The following BNC2 variants were observed in gnomAD, a reference collection of about 807,000 sequenced individuals.
The protein encoded by BNC2 is zinc finger protein basonuclin-2.
In BNC2, 20 loss-of-function variants were observed where a neutral mutation model predicts 76.3. The observed-to-expected ratio is 0.26, with a 90% CI of 0.18 to 0.38. The LOEUF is 0.38. BNC2 is among the 10% of genes least tolerant of loss of function. The pLI, the probability that BNC2 is intolerant of heterozygous loss-of-function variation, is 1.00. For missense variants in BNC2, 1,382 were observed against 1,399.8 expected (o/e 0.99, Z 0.20); for synonymous variants, 582 against 514.8 (o/e 1.13, Z -1.77).
At chr9:16,776,486 T>C (rs7856297) in intron 1 of BNC2, among the ~76,000 whole-genome samples, 7,247 of 152,244 alleles carry the variant, frequency 0.048, 575 homozygotes, top group African/African-American at 0.17. Context: ...AAATGGCTAG[T>C]ACTCCTTAAG....
At chr9:16,793,181 T>C (rs2135681635) in intron 1 of BNC2, among the ~76,000 whole-genome samples, 1 of 152,350 alleles carries the variant, frequency 6.6e-6, no homozygotes, top group Middle Eastern at 3.4e-3. Flanking sequence ...GAAAACTGAA[T>C]AACTGCTCCA....
At chr9:16,615,286 A>G (rs1489970205) in intron 3 of BNC2, among the ~76,000 whole-genome samples, 1 of 152,140 alleles carries the variant, frequency 6.6e-6, no homozygotes, top group Admixed American at 6.6e-5. Context: ...ATTAGGCTAA[A>G]TATTTTTACA....
intron 3 of BNC2, among the ~76,000 whole-genome samples, chr9:16,609,138 C>T (rs547654547): frequency 6.6e-6 from 1 of 152,152 alleles, no homozygotes; most frequent in Non-Finnish European, 1.5e-5. Flanking sequence ...AAAAGTGCAC[C>T]CCAGGGGACC....
intron 3 of BNC2, among the ~76,000 whole-genome samples, chr9:16,620,044 A>G (rs1820821561): frequency 6.6e-6 from 1 of 152,198 alleles, no homozygotes; most frequent in Non-Finnish European, 1.5e-5. Flanking sequence ...GGCTCCAAAC[A>G]AAAACCCCCA....
intron 3 of BNC2, among the ~76,000 whole-genome samples, chr9:16,627,826 G>A (rs1411192404): frequency 6.6e-6 from 1 of 152,018 alleles, no homozygotes; most frequent in Non-Finnish European, 1.5e-5. Context: ...ATTATAATTT[G>A]GGGTTTAAAC....
intron 3 of BNC2, among the ~76,000 whole-genome samples, chr9:16,627,011 A>G (rs1267583600): frequency 6.6e-6 from 1 of 152,168 alleles, no homozygotes; most frequent in Non-Finnish European, 1.5e-5. Flanking sequence ...CAGGGCATGG[A>G]ACAGATGCAC....
rs80275996 is a variant in BNC2, at chr9:16,612,430, T to G, written c.331-29345A>C. 8.0e-3 allele frequency among the ~76,000 whole-genome samples: 1,220 copies of G among 152,268 alleles called. 20 individuals are homozygous for G. The highest frequency in any genetic ancestry group is 0.038 in the South Asian group (182 of 4,824). On this transcript the variant is annotated intron_variant, in intron 3 of 6. Coordinates refer to ENST00000380672, the MANE Select transcript of BNC2 (RefSeq NM_017637.6). ...GAACTAGGCATTCATATTTCCATTT[T>G]CCATCCTTTTATTAGAGTAGAATTT...
At chr9:16,822,718 T>TA (rs1391422510) in intron 1 of BNC2, among the ~76,000 whole-genome samples, 1 of 152,140 alleles carries the variant, frequency 6.6e-6, no homozygotes, top group African/African-American at 2.4e-5. Flanking sequence ...GTGTGACAAG[T>TA]AAGTAAAGAT....
At chr9:16,868,955 T>C (rs1376425094) in intron 1 of BNC2, among the ~76,000 whole-genome samples, 2 of 152,160 alleles carry the variant, frequency 1.3e-5, no homozygotes, top group Non-Finnish European at 2.9e-5. Flanking sequence ...ACACGTGAAA[T>C]TGCAGAATAC....
At chr9:16,519,116 C>T (rs962586974) in intron 5 of BNC2, among the ~76,000 whole-genome samples, 1 of 152,198 alleles carries the variant, frequency 6.6e-6, no homozygotes, top group African/African-American at 2.4e-5. Context: ...GCCTCCTTTA[C>T]TGGCCCTACC....
chr9:16,497,317 G>T (rs1587097470), intron 5 of BNC2, among the ~76,000 whole-genome samples: 1 of 152,184 alleles, frequency 6.6e-6, no homozygotes, highest in South Asian at 2.1e-4. Flanking sequence ...GTAGATGTAG[G>T]TAGTTATTAT....
At chr9:16,573,382 T>C (rs962902184) in intron 4 of BNC2, among the ~76,000 whole-genome samples, 1 of 152,184 alleles carries the variant, frequency 6.6e-6, no homozygotes, top group Non-Finnish European at 1.5e-5. Context: ...CAACTCTTAA[T>C]GACTATTTTA....
chr9:16,813,795 T>C (rs1354373705), intron 1 of BNC2, among the ~76,000 whole-genome samples: 3 of 152,218 alleles, frequency 2.0e-5, no homozygotes, highest in African/African-American at 7.2e-5. Context: ...GTTTTTCACT[T>C]GGTTGGTTTT....
chr9:16,514,099 C>G (rs995625594), intron 5 of BNC2, among the ~76,000 whole-genome samples: 2 of 152,194 alleles, frequency 1.3e-5, no homozygotes, highest in African/African-American at 2.4e-5. Context: ...CAGTGGAAAT[C>G]TGAACCACCA....
chr9:16,812,240 G>C (rs1371880966), intron 1 of BNC2, among the ~76,000 whole-genome samples: 2 of 152,238 alleles, frequency 1.3e-5, no homozygotes, highest in African/African-American at 2.4e-5. Context: ...TCTGGGCTTG[G>C]AGGTTGGTGG....
In BNC2 at chr9:16,550,143, T is replaced by C. The variant is rs576700657; in HGVS notation, c.669+2387A>G. On this transcript the variant is annotated intron_variant, in intron 5 of 6. Transcript: ENST00000380672. ...CTCAAATTTCATTTCTCTTGCAATT[T>C]TGTTTCTTTAAATCAAGCTTGTCCA... is the stretch of plus-strand genomic sequence containing the variant. Among the ~76,000 whole-genome samples, 314 of 152,352 alleles carry C rather than the reference T, an allele frequency of 2.1e-3. 2 individuals carry two copies. The highest frequency in any genetic ancestry group is 4.3e-3 in the Admixed American group (66 of 15,310).
intron 5 of BNC2, among the ~76,000 whole-genome samples, chr9:16,442,170 G>T (rs879744844): frequency 6.6e-6 from 1 of 152,156 alleles, no homozygotes; most frequent in Non-Finnish European, 1.5e-5. Context: ...AGTTAAATGC[G>T]AGTTATTATC....
chr9:16,582,621 T>G (rs1819656239), intron 4 of BNC2, among the ~76,000 whole-genome samples: 1 of 152,164 alleles, frequency 6.6e-6, no homozygotes, highest in Admixed American at 6.5e-5. Context: ...CAAGGAGGAT[T>G]TGCCAGCTTC....
At chr9:16,667,632 G>A (rs1018660743) in intron 3 of BNC2, among the ~76,000 whole-genome samples, 1 of 152,036 alleles carries the variant, frequency 6.6e-6, no homozygotes, top group East Asian at 1.9e-4. Context: ...TTTCTTTCTA[G>A]CATAAATTAT....
Sources: allele counts gnomAD v4.1 joint callset (sites outside exome capture counted in the v4.1 genomes callset), GRCh38; gene constraint gnomAD v4.1.1; transcripts MANE v1.5; gene names NCBI Gene and HGNC (gene_info 2026-07-23, HGNC 2026-07-21).